Variants in SOX5 observed in about 807,000 individuals in gnomAD.
SOX5 encodes transcription factor SOX-5.
A neutral mutation model predicts 92.0 loss-of-function variants in SOX5; 9 were observed. The observed-to-expected ratio is 0.10, with a 90% confidence interval of 0.06 to 0.17. The LOEUF is 0.17. SOX5 is among the 10% of genes least tolerant of loss of function. The pLI, the probability that SOX5 is intolerant of heterozygous loss-of-function variation, is 1.00. For missense variants in SOX5, 642 were observed against 944.5 expected (o/e 0.68, Z 4.20); for synonymous variants, 344 against 336.3 (o/e 1.02, Z -0.25).
intron 4 of SOX5, among the ~76,000 whole-genome samples, chr12:24,160,572 G>A (rs1952652819): frequency 6.6e-6 from 1 of 152,014 alleles, no homozygotes. Flanking sequence ...TTACAAGATT[G>A]ATTCAAGAGA....
At chr12:24,525,315 T>C (rs920263623) in intron 1 of SOX5, among the ~76,000 whole-genome samples, 1 of 152,064 alleles carries the variant, frequency 6.6e-6, no homozygotes, top group Non-Finnish European at 1.5e-5. Flanking sequence ...TTCATGTAAA[T>C]AAGATATCTA....
At chr12:24,072,284 CT>C (rs1941898118) in intron 4 of SOX5, among the ~76,000 whole-genome samples, 1 of 152,102 alleles carries the variant, frequency 6.6e-6, no homozygotes, top group South Asian at 2.1e-4. Context: ...AAGAATTAAC[CT>C]TATGAGACAG....
At chr12:24,037,884 G>A (rs1956194737) in intron 4 of SOX5, among the ~76,000 whole-genome samples, 1 of 151,974 alleles carries the variant, frequency 6.6e-6, no homozygotes, top group African/African-American at 2.4e-5. Context: ...CTATTACCGG[G>A]CCAGTTGCAA....
At chr12:23,650,779 TTA>T (rs1210431559) in intron 7 of SOX5, among the ~76,000 whole-genome samples, 2 of 152,156 alleles carry the variant, frequency 1.3e-5, no homozygotes, top group Non-Finnish European at 2.9e-5. Flanking sequence ...TTGAAGAGCC[TTA>T]TGTTTTCCTT....
intron 3 of SOX5, among the ~76,000 whole-genome samples, chr12:23,809,948 A>G (rs2142385648): frequency 6.6e-6 from 1 of 152,230 alleles, no homozygotes; most frequent in East Asian, 1.9e-4. Context: ...TCAATAAAAG[A>G]GGATCTAGTC....
intron 10 of SOX5, among the ~76,000 whole-genome samples, chr12:23,571,583 T>A (rs944153203): frequency 6.6e-6 from 1 of 152,112 alleles, no homozygotes; most frequent in African/African-American, 2.4e-5. Context: ...TAATGCAGAG[T>A]GGCTACCAAA....
chr12:24,104,531 A>G (rs775959505), intron 4 of SOX5, among the ~76,000 whole-genome samples: 28 of 152,348 alleles, frequency 1.8e-4, no homozygotes, highest in Non-Finnish European at 3.2e-4. Context: ...AATTTATAGT[A>G]TCTAGGGCAT....
intron 2 of SOX5, among the ~76,000 whole-genome samples, chr12:24,310,297 A>C (rs1949045700): frequency 6.6e-6 from 1 of 152,156 alleles, no homozygotes; most frequent in Admixed American, 6.6e-5. Flanking sequence ...AATGTCTGTA[A>C]AGTGCTTTCT....
intron 8 of SOX5, among the ~76,000 whole-genome samples, chr12:23,611,559 G>A (rs541218509): frequency 2.1e-3 from 315 of 152,062 alleles, no homozygotes; most frequent in Non-Finnish European, 3.9e-3. Flanking sequence ...GCCCAGAAGC[G>A]GGATTGCTGG....
chr12:24,219,565 G>A lies in SOX5; in HGVS notation c.-76-6148C>T, dbSNP rs190592732. 2.6e-5 allele frequency among the ~76,000 whole-genome samples: 4 copies of A among 152,024 alleles called. No homozygotes were observed. In the South Asian group the frequency reaches 6.2e-4, roughly 24 times the overall value. The stretch of plus-strand genomic sequence containing the variant: ...ATGCATTTAATGAAATACTCAAGAG[G>A]CTACATAACCTAAGAGACTCACATT... On this transcript the variant is annotated intron_variant, in intron 3 of 4. Transcript: ENST00000446891.
chr12:24,485,891 T>C (rs1000677105), intron 1 of SOX5, among the ~76,000 whole-genome samples: 1 of 152,186 alleles, frequency 6.6e-6, no homozygotes, highest in Non-Finnish European at 1.5e-5. Flanking sequence ...TTTTTATAAA[T>C]GTTTTGAGAT....
chr12:23,622,249 T>C (rs1254942661), intron 8 of SOX5, among the ~76,000 whole-genome samples: 2 of 152,078 alleles, frequency 1.3e-5, no homozygotes, highest in Admixed American at 1.3e-4. Context: ...CTTTGAGGGT[T>C]TGGTGTATAT....
intron 2 of SOX5, among the ~76,000 whole-genome samples, chr12:24,358,968 C>T (rs73064470): frequency 0.023 from 3,446 of 152,282 alleles, 52 homozygotes; most frequent in Middle Eastern, 0.051. Flanking sequence ...TCTATCCCCA[C>T]TTCTCAGATA....
intron 6 of SOX5, among the ~76,000 whole-genome samples, chr12:23,722,065 AT>A (rs1366345625): frequency 6.6e-6 from 1 of 152,192 alleles, no homozygotes; most frequent in African/African-American, 2.4e-5. Flanking sequence ...CAGACAAAAT[AT>A]TTTGAAACAT....
intron 1 of SOX5, among the ~76,000 whole-genome samples, chr12:24,386,328 T>A (rs1262023496): frequency 6.6e-6 from 1 of 152,178 alleles, no homozygotes; most frequent in Non-Finnish European, 1.5e-5. Context: ...ATCATAGCTG[T>A]CTTTTATTAA....
chr12:23,972,514 C>T (rs1425895746), intron 4 of SOX5, among the ~76,000 whole-genome samples: 4 of 136,612 alleles, frequency 2.9e-5, no homozygotes, highest in African/African-American at 5.0e-5. Flanking sequence ...CCCACCACTA[C>T]GCCTGGCTAA....
At chr12:23,724,904 G>T (rs140107442) in intron 6 of SOX5, among the ~76,000 whole-genome samples, 15 of 152,280 alleles carry the variant, frequency 9.9e-5, no homozygotes, top group African/African-American at 3.6e-4. Flanking sequence ...CTACTTGGTG[G>T]GGTAAACAAA....
At chr12:23,962,219 ACAAC>A (rs976306065) in intron 4 of SOX5, among the ~76,000 whole-genome samples, 4 of 135,166 alleles carry the variant, frequency 3.0e-5, no homozygotes, top group African/African-American at 8.4e-5. Context: ...AGTTAAACAA[ACAAC>A]AAAAAAGACC....
chr12:24,279,585 C>T (rs945522439), intron 2 of SOX5, among the ~76,000 whole-genome samples: 6 of 152,032 alleles, frequency 3.9e-5, no homozygotes, highest in Admixed American at 3.3e-4. Flanking sequence ...AATGAACTTT[C>T]CTTTCCTAGA....
Sources: allele counts gnomAD v4.1 joint callset (sites outside exome capture counted in the v4.1 genomes callset), GRCh38; gene constraint gnomAD v4.1.1; transcripts MANE v1.5; gene names NCBI Gene and HGNC (gene_info 2026-07-23, HGNC 2026-07-21).